DYSF: variants seen among roughly 807,000 people sequenced by gnomAD.
The protein encoded by DYSF is dysferlin.
DYSF carries 212 observed loss-of-function variants against 274.9 expected under a neutral mutation model. That is an observed-to-expected ratio of 0.77 (90% CI 0.69 to 0.86). The LOEUF (loss-of-function observed/expected upper bound fraction) is 0.86. Ranked by LOEUF, DYSF falls within the 40% of genes least tolerant of loss-of-function variation. The pLI is 0.00. For missense variants in DYSF, 2,666 were observed against 2,783.2 expected (o/e 0.96, Z 0.95); for synonymous variants, 1,091 against 1,078.7 (o/e 1.01, Z -0.22).
At chr2:71,616,642 C>A (rs2093891533) in intron 40 of DYSF, among the ~76,000 whole-genome samples, 1 of 152,044 alleles carries the variant, frequency 6.6e-6, no homozygotes, top group African/African-American at 2.4e-5. Flanking sequence ...GCAGAAGTGT[C>A]CTATTCCATC....
At chr2:71,672,633 C>A (rs892248720) in intron 51 of DYSF, among the ~76,000 whole-genome samples, 2 of 152,124 alleles carry the variant, frequency 1.3e-5, no homozygotes, top group Admixed American at 1.3e-4. Context: ...TGGGGGGGTT[C>A]ATTCCCCAGG....
chr2:71,464,583 G>A (rs941979698), upstream of DYSF, among the ~76,000 whole-genome samples: 14 of 152,336 alleles, frequency 9.2e-5, no homozygotes, highest in Middle Eastern at 3.4e-3. Context: ...TGGAAGGCTA[G>A]CATGGGTCCT....
chr2:71,479,486 T>C (rs1479437400), intron 1 of DYSF, among the ~76,000 whole-genome samples: 1 of 152,072 alleles, frequency 6.6e-6, no homozygotes, highest in East Asian at 1.9e-4. Flanking sequence ...GAGAGAGAAA[T>C]GCACTTGCCA....
At chr2:71,572,335 C>CCACAGATCACACCCAG (rs548261921) in intron 29 of DYSF, among the ~76,000 whole-genome samples, 4 of 141,894 alleles carry the variant, frequency 2.8e-5, no homozygotes, top group African/African-American at 1.1e-4. Flanking sequence ...CCCAGCACAC[C>CCACAGATCACACCCAG]CACAGATCAC....
chr2:71,469,247 C>T (rs1273082503), intron 1 of DYSF, among the ~76,000 whole-genome samples: 1 of 152,088 alleles, frequency 6.6e-6, no homozygotes, highest in South Asian at 2.1e-4. Flanking sequence ...GGAGGGAAAC[C>T]GTTAGAACCA....
intron 30 of DYSF, among the ~76,000 whole-genome samples, chr2:71,579,894 G>A (rs993553628): frequency 5.3e-5 from 8 of 152,230 alleles, no homozygotes; most frequent in East Asian, 1.9e-4. Context: ...GGACAGTGCT[G>A]CTCTGGAATG....
chr2:71,553,753 T>TTCCCCCCCCCCCCCCC, intron 20 of DYSF, 54 bp from the exon 21 acceptor site: 106 of 567,438 alleles, frequency 1.9e-4, no homozygotes, highest in South Asian at 6.1e-4. Flanking sequence ...TAGCACCCCA[T>TTCCCCCCCCCCCCCCC]CCCACCCGCC....
intron 12 of DYSF, among the ~76,000 whole-genome samples, chr2:71,524,895 C>T (rs1398401363): frequency 6.6e-6 from 1 of 152,204 alleles, no homozygotes; most frequent in Admixed American, 6.5e-5. Flanking sequence ...TGTTACACCT[C>T]AGCTTTCTTA....
chr2:71,618,372 CATGTGTGGTAGAGGTG>C (rs2093980344), intron 40 of DYSF, among the ~76,000 whole-genome samples: 1 of 2,084 alleles, frequency 4.8e-4, no homozygotes, highest in African/African-American at 2.2e-3. Context: ...GTAGAGGTGG[CATGTGTGGTAGAGGTG>C]GTGTGTGTGT....
rs889239012 is a variant in DYSF, at chr2:71,567,354, C to G, written c.2566-597C>G. On this transcript the variant is annotated intron_variant, in intron 24 of 55. Transcript: ENST00000410020. ...AACATGGAGGGGGAGGCTTTAATTT[C>G]TTCTCTTTCCAGATCTGTATCATTG... Among the ~76,000 whole-genome samples, 5 of 152,208 alleles carry G rather than the reference C, an allele frequency of 3.3e-5. No homozygotes were observed. The East Asian group carries it at 9.6e-4, about 29-fold the overall frequency.
chr2:71,667,878 C>T (rs2095045473), intron 48 of DYSF, among the ~76,000 whole-genome samples: 1 of 152,114 alleles, frequency 6.6e-6, no homozygotes, highest in Non-Finnish European at 1.5e-5. Flanking sequence ...TCTCAGATGC[C>T]CGGCCCTGTG....
intron 52 of DYSF, among the ~76,000 whole-genome samples, chr2:71,676,471 C>G (rs1409423808): frequency 2.6e-5 from 4 of 151,910 alleles, no homozygotes; most frequent in African/African-American, 9.7e-5. Flanking sequence ...ATTTTCAGAG[C>G]CTTTTATGTA....
Position 71,564,058 on chromosome 2 carries a change from C to G in DYSF, c.2410C>G (p.Pro804Ala). 11 of 1,614,066 alleles carry G rather than the reference C, an allele frequency of 6.8e-6. No homozygotes were observed. Among genetic ancestry groups the G allele is most frequent in the Non-Finnish European group, 9.3e-6 (11 of 1,179,970 alleles). Residue 804 changes from proline to alanine, a missense_variant and splice_region_variant, in exon 24 of 56, where the codon CCC (proline) becomes GCC (alanine). Around this residue, in one of 3 missense-constraint regions of DYSF, gnomAD observed 412 missense variants for 504.0 expected, o/e 0.82. Transcript: ENST00000410020. The stretch of plus-strand genomic sequence containing the variant: ...ACCCCGACCACCACCCTCTGTTCAG[C>G]CCCAGAACAGCCTGCCGGACATCGT... The part of the protein sequence containing the change: ...LLRLRALAEE[P>A]QNSLPDIVIW...
Position 71,466,707 on chromosome 2 carries a change from G to C in DYSF, c.-136G>C, listed in dbSNP as rs892030975. The C allele has an allele frequency of 7.2e-7, 1 of 1,390,056 alleles. No individual in the cohort carries two copies. The highest frequency in any genetic ancestry group is 9.3e-7 in the Non-Finnish European group (1 of 1,071,940). 86.1% of individuals were successfully genotyped at this position (1,390,056 alleles called of 1,614,324 possible). On this transcript the variant is annotated 5_prime_UTR_variant, in exon 1 of 56. Transcript: ENST00000410020. Reference sequence around the variant, plus strand: ...TCTCCCAGGCATTGGTCACTTCTCCGCGGAGGAGCAGCGAAGGCGACAGCT... The same window carrying C: ...TCTCCCAGGCATTGGTCACTTCTCCCCGGAGGAGCAGCGAAGGCGACAGCT...
chr2:71,506,203 A>T (rs1431860020), intron 4 of DYSF, among the ~76,000 whole-genome samples: 2 of 152,092 alleles, frequency 1.3e-5, no homozygotes, highest in Non-Finnish European at 2.9e-5. Context: ...GTGGCGCACA[A>T]TGGGCTGGGC....
intron 1 of DYSF, among the ~76,000 whole-genome samples, chr2:71,472,797 C>T (rs1490680857): frequency 6.6e-6 from 1 of 152,190 alleles, no homozygotes; most frequent in Non-Finnish European, 1.5e-5. Context: ...TTCATTTGCC[C>T]ATGGTGGAGC....
Position 71,470,730 on chromosome 2 carries a change from TTCCTTCTTTCCTTCC to T in DYSF, c.91+3799_91+3813del, listed in dbSNP as rs1226943193. Among the ~76,000 whole-genome samples the T allele has an allele frequency of 1.2e-4, 15 of 125,084 alleles. No individual in the cohort carries two copies. The East Asian group carries it at 3.5e-3, about 29-fold the overall frequency. 82.1% of individuals were successfully genotyped at this position (125,084 alleles called of 152,430 possible). A position where few individuals can be genotyped will look rare whatever the true frequency, so the allele number is the denominator to read the frequency against. ...TCTCTTCTCTTCCTTCTTTCCTTCC[TTCCTTCTTTCCTTCC>T]TTCCTTCCTTCCTTCCTTCCTTCCT... On this transcript the variant is annotated intron_variant, in intron 1 of 55. Coordinates refer to ENST00000410020, the MANE Select transcript of DYSF (RefSeq NM_001130987.2).
intron 3 of DYSF, among the ~76,000 whole-genome samples, chr2:71,502,085 G>GTGTA (rs1356768153): frequency 1.4e-3 from 52 of 36,998 alleles, no homozygotes; most frequent in African/African-American, 3.3e-3. Context: ...GACTCTGTGT[G>GTGTA]TGTGTGTGTG....
At chr2:71,464,733 C>T (rs1390682042), upstream of DYSF, among the ~76,000 whole-genome samples, 2 of 152,042 alleles carry the variant, frequency 1.3e-5, no homozygotes, top group Non-Finnish European at 2.9e-5. Flanking sequence ...TGGGAGCCAA[C>T]GGAAGACTTT....
Sources: allele counts gnomAD v4.1 joint callset (sites outside exome capture counted in the v4.1 genomes callset), GRCh38; gene constraint gnomAD v4.1.1; regional missense constraint gnomAD v4.1.1; transcripts MANE v1.5; gene names NCBI Gene and HGNC (gene_info 2026-07-23, HGNC 2026-07-21).